The following NIN variants were observed in gnomAD, a reference collection of about 807,000 sequenced individuals.
NIN encodes the protein glycogen synthase kinase 3 beta-interacting protein.
In NIN, 137 loss-of-function variants were observed where a neutral mutation model predicts 257.6. The observed-to-expected ratio is 0.53, with a 90% CI of 0.46 to 0.61. The LOEUF (loss-of-function observed/expected upper bound fraction) is 0.61, where lower values mean the gene tolerates loss of function less well. NIN is among the 20% of genes least tolerant of loss of function. The pLI is 0.00. For synonymous variants in NIN, 918 were observed against 919.8 expected (o/e 1.00, Z 0.04); for missense variants, 2,439 against 2,501.2 (o/e 0.98, Z 0.53).
rs546387760 is a variant in NIN at position 50,814,264 on chromosome 14, C to G, written c.184-7446G>C. 1.7e-3 allele frequency among the ~76,000 whole-genome samples: 252 copies of G among 152,276 alleles called. 2 individuals carry two copies. The highest frequency in any genetic ancestry group is 5.1e-3 in the African/African-American group (210 of 41,548). On this transcript the variant is annotated intron_variant, in intron 3 of 30. Coordinates refer to ENST00000530997, the MANE Select transcript of NIN (RefSeq NM_020921.4). Reference sequence around the variant, plus strand: ...GATGGAAATGAATTCAAATCACCACCACGCAAGAGAACTTCTAGCAAATCT... The same window carrying G: ...GATGGAAATGAATTCAAATCACCACGACGCAAGAGAACTTCTAGCAAATCT...
chr14:50,831,328 A>C (rs1402417987), upstream of NIN, among the ~76,000 whole-genome samples: 1 of 151,900 alleles, frequency 6.6e-6, no homozygotes, highest in Non-Finnish European at 1.5e-5. Context: ...CTGAAGTTAG[A>C]AACGCCGGGG....
At chr14:50,763,188 T>C (rs1453579921) in intron 15 of NIN, among the ~76,000 whole-genome samples, 1 of 151,698 alleles carries the variant, frequency 6.6e-6, no homozygotes, top group East Asian at 1.9e-4. Flanking sequence ...GATTATGAGC[T>C]GTCTCTGAAA....
intron 10 of NIN, 88 bp from the exon 11 acceptor site, chr14:50,771,080 A>C: frequency 6.8e-7 from 1 of 1,472,024 alleles, no homozygotes. Flanking sequence ...TTGCATCAAT[A>C]CAGAAGCAAA....
intron 3 of NIN, among the ~76,000 whole-genome samples, chr14:50,815,959 T>C (rs909077598): frequency 2.6e-5 from 4 of 152,112 alleles, no homozygotes; most frequent in East Asian, 3.8e-4. Flanking sequence ...TGAGCTGAGA[T>C]TGCACTATTG....
intron 28 of NIN, among the ~76,000 whole-genome samples, 200 bp from the exon 29 acceptor site, chr14:50,729,923 A>C (rs73295442): frequency 0.014 from 2,110 of 152,380 alleles, 33 homozygotes; most frequent in African/African-American, 0.048. Context: ...GAATATGCTT[A>C]ATAAGTAGGC....
intron 23 of NIN, 89 bp downstream of exon 23, chr14:50,744,154 A>G: frequency 7.1e-7 from 1 of 1,410,074 alleles, no homozygotes; most frequent in South Asian, 1.3e-5. Context: ...AGACTACCAC[A>G]GGAGGCCCCT....
At position 50,826,063 on chromosome 14, in the gene NIN, A is replaced by T. The variant is rs1362815562; in HGVS notation, c.-21-3986T>A. Among the ~76,000 whole-genome samples, 4 of 152,228 alleles carry T rather than the reference A, an allele frequency of 2.6e-5. No homozygotes were observed. In the South Asian group the frequency reaches 8.3e-4, roughly 32 times the overall value. On this transcript the variant is annotated intron_variant, in intron 2 of 30. Transcript: ENST00000530997. Reference sequence around the variant, plus strand: ...CCCAGGAATTGGTAATTCGTAAATGACTTCCCCTGAATAAACACTTAAGTA... The same window carrying T: ...CCCAGGAATTGGTAATTCGTAAATGTCTTCCCCTGAATAAACACTTAAGTA...
intron 2 of NIN, among the ~76,000 whole-genome samples, chr14:50,822,455 GA>G (rs776862406): frequency 2.2e-4 from 33 of 152,236 alleles, no homozygotes; most frequent in Non-Finnish European, 4.4e-4. Context: ...AGGATTTTAA[GA>G]AGGTGAAAAG....
chr14:50,799,430 A>G (rs2043985031), intron 4 of NIN, among the ~76,000 whole-genome samples: 1 of 152,220 alleles, frequency 6.6e-6, no homozygotes, highest in Admixed American at 6.5e-5. Flanking sequence ...GCAGTCAGCA[A>G]GAGTCTCTCA....
At chr14:50,727,330 A>C in intron 29 of NIN, 1 of 988,458 alleles carries the variant, frequency 1.0e-6, no homozygotes, top group Non-Finnish European at 1.2e-6. Flanking sequence ...GGTTTTCTTC[A>C]AATTCCATAT....
intron 6 of NIN, among the ~76,000 whole-genome samples, chr14:50,778,523 G>A (rs1473737618): frequency 6.6e-6 from 1 of 152,200 alleles, no homozygotes; most frequent in African/African-American, 2.4e-5. Flanking sequence ...TAATCTGAAA[G>A]TCTGTATAAG....
At chr14:50,801,804 C>G (rs1232307903) in intron 4 of NIN, among the ~76,000 whole-genome samples, 1 of 152,132 alleles carries the variant, frequency 6.6e-6, no homozygotes, top group Non-Finnish European at 1.5e-5. Context: ...TCATCTGTAC[C>G]AAAACAATGC....
rs2042031921 is a variant in NIN at position 50,756,474 on chromosome 14, A to G, written c.4538+18T>C. ...GTGCTCTGTGGGATTCGTGACGTCT[A>G]GAAGGTACATACATTACCTCAGAAG... On this transcript the variant is annotated intron_variant, in intron 18 of 30. Transcript: ENST00000530997. The G allele has an allele frequency of 6.4e-7, 1 of 1,567,646 alleles. No homozygotes were observed. The highest frequency in any genetic ancestry group is 1.2e-5 in the South Asian group (1 of 82,116).
chr14:50,769,398 T>C (rs1429809427), intron 12 of NIN, among the ~76,000 whole-genome samples: 36 of 152,074 alleles, frequency 2.4e-4, no homozygotes, highest in Admixed American at 2.4e-3. Flanking sequence ...GAGGGGAGGA[T>C]GTTTGAGAGG....
At position 50,766,869 on chromosome 14, in the gene NIN, C is replaced by G; in HGVS notation, c.1456G>C (p.Glu486Gln). The G allele has an allele frequency of 6.2e-7, 1 of 1,613,478 alleles. No homozygotes were observed. The highest frequency in any genetic ancestry group is 8.5e-7 in the Non-Finnish European group (1 of 1,179,628). Residue 486 changes from glutamate (E) to glutamine (Q), a missense_variant, in exon 13 of 31, where the codon GAG (glutamate) becomes CAG (glutamine). Around this residue, in one of 3 missense-constraint regions of NIN, gnomAD observed 2,043 missense variants for 2,050.2 expected, o/e 1.00. Transcript: ENST00000530997. ...AACTTCTCTGCATTTTCTAGAAGCTCATTTTCCAGACGACTGTTTTCCTGA... is the reference window on the plus strand; with the variant it reads ...AACTTCTCTGCATTTTCTAGAAGCTGATTTTCCAGACGACTGTTTTCCTGA... The part of the protein sequence containing the change: ...SLKENSRLEN[E>Q]LLENAEKLAE...
chr14:50,789,798 C>T (rs377130052), intron 5 of NIN, among the ~76,000 whole-genome samples: 1 of 152,262 alleles, frequency 6.6e-6, no homozygotes, highest in African/African-American at 2.4e-5. Context: ...CTTGTGCTGC[C>T]CATTGCATGA....
chr14:50,753,102 C>T (rs2041864514), intron 20 of NIN, among the ~76,000 whole-genome samples: 1 of 152,172 alleles, frequency 6.6e-6, no homozygotes, highest in African/African-American at 2.4e-5. Flanking sequence ...TACTTACTTA[C>T]TTAAAGACTC....
intron 12 of NIN, among the ~76,000 whole-genome samples, chr14:50,767,594 G>C (rs955087079): frequency 1.2e-4 from 18 of 152,128 alleles, no homozygotes; most frequent in African/African-American, 4.1e-4. Flanking sequence ...AAGGTGGGCG[G>C]ATCATGAGGT....
At chr14:50,831,371 G>A (rs574357350), upstream of NIN, among the ~76,000 whole-genome samples, 1 of 152,166 alleles carries the variant, frequency 6.6e-6, no homozygotes, top group East Asian at 1.9e-4. Context: ...CTGGCGCCCC[G>A]AGGTCGCCAC....
Sources: allele counts gnomAD v4.1 joint callset (sites outside exome capture counted in the v4.1 genomes callset), GRCh38; gene constraint gnomAD v4.1.1; regional missense constraint gnomAD v4.1.1; transcripts MANE v1.5; gene names NCBI Gene and HGNC (gene_info 2026-07-23, HGNC 2026-07-21).